Variants in DLGAP2 observed in about 807,000 individuals in gnomAD.
DLGAP2 encodes the protein disks large-associated protein 2.
Under a neutral mutation model 100.3 loss-of-function variants are expected in DLGAP2, and 26 were observed. That is an observed-to-expected ratio of 0.26 (90% CI 0.19 to 0.36). The LOEUF (loss-of-function observed/expected upper bound fraction) is 0.36. Ranked by LOEUF, DLGAP2 falls within the 10% of genes least tolerant of loss-of-function variation. The probability of loss-of-function intolerance (pLI) is 1.00; values close to 1 mark genes in which losing one functional copy is unlikely to be tolerated. For synonymous variants in DLGAP2, 886 were observed against 630.1 expected, an observed-to-expected ratio of 1.41 and a Z score of -6.08; for missense variants, 1,858 against 1,453.2, an observed-to-expected ratio of 1.28 and a Z score of -4.53.
intron 4 of DLGAP2, among the ~76,000 whole-genome samples, chr8:1,520,187 C>T (rs555264669): frequency 3.9e-5 from 6 of 152,316 alleles, no homozygotes; most frequent in East Asian, 1.9e-4. Context: ...CATCAGCTAT[C>T]GATGGGGTGT....
chr8:1,058,895 T>C (rs190275950), intron 2 of DLGAP2, among the ~76,000 whole-genome samples: 3 of 152,330 alleles, frequency 2.0e-5, no homozygotes, highest in South Asian at 2.1e-4. Context: ...CACCCACCTG[T>C]GCCTACCTCA....
intron 6 of DLGAP2, among the ~76,000 whole-genome samples, chr8:1,611,084 C>CA (rs1400880293): frequency 7.1e-6 from 1 of 140,070 alleles, no homozygotes; most frequent in African/African-American, 2.8e-5. Flanking sequence ...GAGACACAAC[C>CA]AAAAAAGAGA....
intron 6 of DLGAP2, among the ~76,000 whole-genome samples, chr8:1,576,300 C>G (rs1268522488): frequency 6.6e-6 from 1 of 152,196 alleles, no homozygotes; most frequent in African/African-American, 2.4e-5. Flanking sequence ...CCTTCGCCCA[C>G]TTGTTGATGG....
chr8:755,798 G>T (rs916410712), intron 1 of DLGAP2, among the ~76,000 whole-genome samples: 14 of 152,260 alleles, frequency 9.2e-5, no homozygotes, highest in Non-Finnish European at 2.9e-5. Context: ...GCTTTTGAAA[G>T]AGCAAAGTGC....
chr8:1,297,568 CGTG>C, intron 3 of DLGAP2, among the ~76,000 whole-genome samples: 1 of 100,850 alleles, frequency 9.9e-6, no homozygotes, highest in Admixed American at 1.0e-4. Context: ...ACAGACACCA[CGTG>C]AGACAGGGAG....
intron 8 of DLGAP2, among the ~76,000 whole-genome samples, chr8:1,641,173 C>G (rs1797889555): frequency 6.6e-6 from 1 of 152,202 alleles, no homozygotes; most frequent in African/African-American, 2.4e-5. Flanking sequence ...ACACCTCTGT[C>G]TAGAACAGAC....
chr8:1,660,426 G>A lies in DLGAP2; in HGVS notation c.1811-7903G>A, dbSNP rs548486274. On this transcript the variant is annotated intron_variant, in intron 8 of 14. Transcript: ENST00000637795. ...GAGGGATTATATTATATGCATATAC[G>A]CCCACTGTAAGTGAGAATGACAAAA... 1.2e-4 allele frequency among the ~76,000 whole-genome samples: 19 copies of A among 152,166 alleles called. No individual in the cohort carries two copies. In the Middle Eastern group the frequency reaches 0.017, roughly 136 times the overall value.
intron 2 of DLGAP2, among the ~76,000 whole-genome samples, chr8:1,227,924 A>G (rs189009143): frequency 6.6e-6 from 1 of 152,198 alleles, no homozygotes; most frequent in South Asian, 2.1e-4. Flanking sequence ...CACACACAAA[A>G]TGGGTAACTA....
chr8:1,156,623 C>T (rs10087404), intron 2 of DLGAP2, among the ~76,000 whole-genome samples: 89,104 of 146,884 alleles, frequency 0.61, 26,972 homozygotes, highest in South Asian at 0.67. Flanking sequence ...AGCCCAGCGC[C>T]CCAGCCCAGC....
rs1029379138 is a variant in DLGAP2 at position 1,064,436 on chromosome 8, A to T, written c.73+156470A>T. On this transcript the variant is annotated intron_variant, in intron 2 of 14. Coordinates refer to ENST00000637795, the MANE Select transcript of DLGAP2 (RefSeq NM_001346810.2). ...TGTATATTTGATGGATATATAACAA[A>T]TGTGATTTCACCAGCATTAATAACT... Among the ~76,000 whole-genome samples, 6 of 152,204 alleles carry T rather than the reference A, an allele frequency of 3.9e-5. No individual in the cohort carries two copies. The South Asian group carries it at 8.3e-4, about 21-fold the overall frequency.
At chr8:1,050,574 G>T (rs958749899) in intron 2 of DLGAP2, among the ~76,000 whole-genome samples, 4 of 152,138 alleles carry the variant, frequency 2.6e-5, no homozygotes, top group African/African-American at 7.2e-5. Flanking sequence ...GCCAAGGAGC[G>T]CCTGTCCCTG....
chr8:1,203,797 G>A (rs550685913), intron 2 of DLGAP2, among the ~76,000 whole-genome samples: 3 of 152,132 alleles, frequency 2.0e-5, no homozygotes, highest in Non-Finnish European at 4.4e-5. Flanking sequence ...TCACCTAAAG[G>A]TTGTCCTCTG....
chr8:965,946 GAGTCTGCA>G (rs1196012692), intron 2 of DLGAP2, among the ~76,000 whole-genome samples: 1 of 152,230 alleles, frequency 6.6e-6, no homozygotes. Context: ...CAGCTACCAT[GAGTCTGCA>G]AGCAGCCAGG....
chr8:998,082 C>A (rs1456476306), intron 2 of DLGAP2, among the ~76,000 whole-genome samples: 1 of 152,180 alleles, frequency 6.6e-6, no homozygotes, highest in Non-Finnish European at 1.5e-5. Context: ...CATGTGCACA[C>A]ACCCGTGTCT....
chr8:1,324,999 C>T (rs766285391), intron 3 of DLGAP2, among the ~76,000 whole-genome samples: 8 of 152,192 alleles, frequency 5.3e-5, no homozygotes, highest in Non-Finnish European at 8.8e-5. Flanking sequence ...CGAAACCACC[C>T]CTGTACTTCC....
intron 3 of DLGAP2, among the ~76,000 whole-genome samples, chr8:1,281,758 C>G (rs921670432): frequency 6.6e-6 from 1 of 152,218 alleles, no homozygotes; most frequent in Non-Finnish European, 1.5e-5. Context: ...CCCGGGGAGT[C>G]AGCTGTATGA....
chr8:1,119,270 G>A (rs1369320794), intron 2 of DLGAP2, among the ~76,000 whole-genome samples: 1 of 152,154 alleles, frequency 6.6e-6, no homozygotes, highest in Admixed American at 6.5e-5. Flanking sequence ...TTTTATTTCA[G>A]CCTTTGACAT....
intron 3 of DLGAP2, among the ~76,000 whole-genome samples, chr8:1,321,915 A>G (rs575843003): frequency 6.6e-6 from 1 of 152,320 alleles, no homozygotes; most frequent in South Asian, 2.1e-4. Context: ...AGAGCAACCA[A>G]ACAAACTGAT....
At chr8:899,009 C>G (rs1798199040) in intron 1 of DLGAP2, among the ~76,000 whole-genome samples, 1 of 152,182 alleles carries the variant, frequency 6.6e-6, no homozygotes, top group Admixed American at 6.5e-5. Context: ...GTTTAACAAG[C>G]CCCCCAGGCG....
Sources: gnomAD v4.1 joint callset for allele counts (sites outside exome capture counted in the v4.1 genomes callset) on GRCh38, gnomAD v4.1.1 for gene constraint, MANE v1.5 for transcripts, NCBI Gene and HGNC (gene_info 2026-07-23, HGNC 2026-07-21) for gene names.